The following SMYD3 variants were observed in gnomAD, a reference collection of about 807,000 sequenced individuals.
SMYD3 encodes histone-lysine N-methyltransferase SMYD3.
A neutral mutation model predicts 57.7 loss-of-function variants in SMYD3; 36 were observed. The ratio of observed to expected loss-of-function variants is 0.62; its 90% CI spans 0.48 to 0.82. The LOEUF is 0.82. Among genes scored for constraint, SMYD3 ranks in the 40% least tolerant of loss-of-function variants. SMYD3 has a pLI of 0.00. For synonymous variants in SMYD3, 211 were observed against 195.0 expected (o/e 1.08, Z -0.68); for missense variants, 515 against 538.8 (o/e 0.96, Z 0.44).
intron 8 of SMYD3, among the ~76,000 whole-genome samples, chr1:245,869,548 T>G (rs2148511424): frequency 6.6e-6 from 1 of 152,340 alleles, no homozygotes; most frequent in African/African-American, 2.4e-5. Context: ...AAGCCTGTCT[T>G]TATTTTAAAC....
intron 10 of SMYD3, among the ~76,000 whole-genome samples, chr1:245,858,290 T>TG (rs2051357627): frequency 6.6e-6 from 1 of 152,218 alleles, no homozygotes; most frequent in Non-Finnish European, 1.5e-5. Flanking sequence ...GTCTGACACA[T>TG]GGAAGGAACT....
chr1:245,799,199 G>A (rs1197914522), intron 10 of SMYD3, among the ~76,000 whole-genome samples: 2 of 152,168 alleles, frequency 1.3e-5, no homozygotes, highest in Admixed American at 6.5e-5. Flanking sequence ...AGCCTTCCCT[G>A]GTCCTCCTAC....
intron 5 of SMYD3, among the ~76,000 whole-genome samples, chr1:246,225,382 G>C (rs1316629933): frequency 8.7e-6 from 1 of 115,430 alleles, no homozygotes; most frequent in Non-Finnish European, 1.8e-5. Flanking sequence ...GATTTGGCAA[G>C]ACTAAAGGTC....
intron 7 of SMYD3, among the ~76,000 whole-genome samples, chr1:245,927,725 C>T (rs1187635284): frequency 6.6e-6 from 1 of 152,124 alleles, no homozygotes; most frequent in African/African-American, 2.4e-5. Flanking sequence ...ATATGGTGAC[C>T]TCTCCCCTAA....
chr1:246,159,136 T>C (rs1271129783), intron 5 of SMYD3, among the ~76,000 whole-genome samples: 7 of 151,836 alleles, frequency 4.6e-5, no homozygotes, highest in Non-Finnish European at 7.4e-5. Flanking sequence ...TTAAAAAAGG[T>C]TTTTCTAAAG....
intron 10 of SMYD3, among the ~76,000 whole-genome samples, chr1:245,854,532 A>G (rs952388389): frequency 1.3e-5 from 2 of 152,214 alleles, no homozygotes; most frequent in Non-Finnish European, 2.9e-5. Flanking sequence ...ATCTAGACAG[A>G]TGTCTACACT....
At chr1:246,009,816 T>C (rs1028998832) in intron 5 of SMYD3, among the ~76,000 whole-genome samples, 1 of 139,790 alleles carries the variant, frequency 7.2e-6, no homozygotes, top group Non-Finnish European at 1.5e-5. Flanking sequence ...TTTTTTTTTT[T>C]TTTTTTTTTT....
intron 10 of SMYD3, among the ~76,000 whole-genome samples, chr1:245,833,819 A>T (rs2049975018): frequency 6.6e-6 from 1 of 152,172 alleles, no homozygotes; most frequent in Non-Finnish European, 1.5e-5. Context: ...TTGGCGTGAG[A>T]AGCCAGACAC....
chr1:245,939,798 C>T (rs903533455), intron 5 of SMYD3, among the ~76,000 whole-genome samples: 4 of 152,190 alleles, frequency 2.6e-5, no homozygotes, highest in African/African-American at 9.7e-5. Context: ...CCAGGTGGAA[C>T]AGTCCCACTG....
chr1:246,172,496 A>C (rs949051434), intron 5 of SMYD3, among the ~76,000 whole-genome samples: 3 of 134,300 alleles, frequency 2.2e-5, no homozygotes, highest in South Asian at 2.7e-4. Context: ...TGCTTAGGCT[A>C]CACAGGCCTA....
intron 5 of SMYD3, among the ~76,000 whole-genome samples, chr1:245,966,344 TTC>T (rs2058148584): frequency 6.6e-6 from 1 of 152,086 alleles, no homozygotes; most frequent in South Asian, 2.1e-4. Flanking sequence ...ATGTTTCAGT[TTC>T]TTCGTAGAGA....
At chr1:246,103,087 A>C (rs1464586779) in intron 5 of SMYD3, among the ~76,000 whole-genome samples, 1 of 152,196 alleles carries the variant, frequency 6.6e-6, no homozygotes, top group East Asian at 1.9e-4. Flanking sequence ...CACAACTCAT[A>C]ATACAATGAT....
chr1:246,247,496 T>G (rs1180110295), intron 5 of SMYD3, among the ~76,000 whole-genome samples: 5 of 134,788 alleles, frequency 3.7e-5, no homozygotes, highest in African/African-American at 8.4e-5. Flanking sequence ...TTTTTTAACA[T>G]GGGACTCATA....
chr1:246,289,975 T>A (rs2064655616), intron 5 of SMYD3, among the ~76,000 whole-genome samples: 1 of 152,128 alleles, frequency 6.6e-6, no homozygotes, highest in East Asian at 1.9e-4. Flanking sequence ...GAAAAAACTA[T>A]CATAACTTAG....
At chr1:246,074,950 A>T (rs1558205044) in intron 5 of SMYD3, among the ~76,000 whole-genome samples, 2 of 146,992 alleles carry the variant, frequency 1.4e-5, no homozygotes, top group African/African-American at 2.6e-5. Flanking sequence ...ACACACACAC[A>T]CTTCAGAGGA....
At chr1:245,833,073 A>AAAC (rs1553337079) in intron 10 of SMYD3, among the ~76,000 whole-genome samples, 1,836 of 128,568 alleles carry the variant, frequency 0.014, 151 homozygotes, top group South Asian at 0.019. Context: ...AAAAAAAAAA[A>AAAC]AACCTGCTTT....
chr1:246,431,742 T>C (rs2103009711), intron 1 of SMYD3, among the ~76,000 whole-genome samples: 2 of 152,056 alleles, frequency 1.3e-5, no homozygotes, highest in African/African-American at 4.8e-5. Flanking sequence ...AAAAAACAAA[T>C]AAATAAATAA....
rs142244395 is a variant in SMYD3 at position 246,128,838 on chromosome 1, T to C, written c.531+198363A>G. Among the ~76,000 whole-genome samples, 1,202 of 152,314 alleles carry C rather than the reference T, an allele frequency of 7.9e-3. 14 individuals are homozygous for C. Among genetic ancestry groups the C allele is most frequent in the South Asian group, 0.036 (176 of 4,822 alleles). On this transcript the variant is annotated intron_variant, in intron 5 of 11. Coordinates refer to ENST00000490107, the MANE Select transcript of SMYD3 (RefSeq NM_001167740.2). ...TTTGCTTTGAGATGGGGTCTCACTC[T>C]GTTGCCCAGGCTGGAGTGCAGTGGT...
At chr1:245,908,573 T>C (rs577055677) in intron 8 of SMYD3, among the ~76,000 whole-genome samples, 4 of 152,352 alleles carry the variant, frequency 2.6e-5, no homozygotes, top group African/African-American at 7.2e-5. Context: ...AGATAAATGA[T>C]ACATTAGTCC....
Sources: allele counts gnomAD v4.1 joint callset (sites outside exome capture counted in the v4.1 genomes callset), GRCh38; gene constraint gnomAD v4.1.1; transcripts MANE v1.5; gene names NCBI Gene and HGNC (gene_info 2026-07-23, HGNC 2026-07-21).